PDE6D: variants seen among roughly 807,000 people sequenced by gnomAD.
PDE6D encodes the protein phosphodiesterase 6D.
In PDE6D, 10 loss-of-function variants were observed where a neutral mutation model predicts 21.9. The observed-to-expected ratio is 0.46, with a 90% CI of 0.28 to 0.78. The LOEUF (loss-of-function observed/expected upper bound fraction) is 0.78. Ranked by LOEUF, PDE6D falls within the 30% of genes least tolerant of loss-of-function variation. The pLI is 0.12. For synonymous variants in PDE6D, 59 were observed against 63.5 expected (o/e 0.93, Z 0.34); for missense variants, 139 against 184.8 (o/e 0.75, Z 1.44).
At chr2:231,734,676 C>T (rs2106258330) in intron 4 of PDE6D, among the ~76,000 whole-genome samples, 1 of 143,292 alleles carries the variant, frequency 7.0e-6, no homozygotes, top group Non-Finnish European at 1.5e-5. Context: ...CCCGTCTGTA[C>T]TAAAAATATA....
At chr2:231,772,935 C>T (rs1487876688) in intron 1 of PDE6D, among the ~76,000 whole-genome samples, 1 of 152,108 alleles carries the variant, frequency 6.6e-6, no homozygotes, top group Non-Finnish European at 1.5e-5. Context: ...GCAGGAATGC[C>T]TGTTTAAGAA....
At chr2:231,765,179 A>G (rs113105409) in intron 1 of PDE6D, among the ~76,000 whole-genome samples, 39,078 of 152,006 alleles carry the variant, frequency 0.26, 5,236 homozygotes, top group Non-Finnish European at 0.31. Flanking sequence ...AAGCTGAGGC[A>G]GGAGGACTGC....
chr2:231,754,449 C>T (rs2048867490), intron 1 of PDE6D, among the ~76,000 whole-genome samples: 1 of 151,480 alleles, frequency 6.6e-6, no homozygotes, highest in South Asian at 2.1e-4. Context: ...CTCCACCTCC[C>T]AAGTTCAAGT....
At chr2:231,736,221 A>C (rs947777939) in intron 4 of PDE6D, among the ~76,000 whole-genome samples, 2 of 152,140 alleles carry the variant, frequency 1.3e-5, no homozygotes, top group Admixed American at 1.3e-4. Flanking sequence ...AAAAACCTTA[A>C]AGTCAATAAC....
chr2:231,781,001 A>C, intron 1 of PDE6D, 64 bp downstream of exon 1: 4 of 1,388,564 alleles, frequency 2.9e-6, no homozygotes, highest in Non-Finnish European at 4.1e-6. Flanking sequence ...GCCCCCGGCC[A>C]GTCTCCTCAG....
At chr2:231,756,211 C>A (rs1379975635) in intron 1 of PDE6D, among the ~76,000 whole-genome samples, 1 of 152,110 alleles carries the variant, frequency 6.6e-6, no homozygotes, top group Non-Finnish European at 1.5e-5. Flanking sequence ...CAGACCATTT[C>A]TTTTGTTGAA....
At position 231,781,049 on chromosome 2, in the gene PDE6D, G is replaced by C. The variant is rs993589615; in HGVS notation, c.50+16C>G. 1.2e-6 allele frequency: 2 copies of C among 1,609,584 alleles called. No individual in the cohort carries two copies. The highest frequency in any genetic ancestry group is 1.7e-6 in the Non-Finnish European group (2 of 1,176,896). On this transcript the variant is annotated intron_variant, in intron 1 of 4. Coordinates refer to ENST00000287600, the MANE Select transcript of PDE6D (RefSeq NM_002601.4). The stretch of plus-strand genomic sequence containing the variant: ...TCCCAAGTCCTCCCGGCCCCGCCCC[G>C]CTCCCGGACGGATACAGTTTGAAGC...
intron 1 of PDE6D, among the ~76,000 whole-genome samples, chr2:231,773,279 T>G (rs1389317489): frequency 6.6e-6 from 1 of 152,182 alleles, no homozygotes; most frequent in Non-Finnish European, 1.5e-5. Flanking sequence ...TATATTCATT[T>G]AATCCATTCA....
In PDE6D at chr2:231,736,782, T is replaced by C. The variant is rs539803132; in HGVS notation, c.371+405A>G. 6.6e-5 allele frequency among the ~76,000 whole-genome samples: 10 copies of C among 152,326 alleles called. No individual in the cohort carries two copies. The East Asian group carries it at 1.7e-3, about 26-fold the overall frequency. On this transcript the variant is annotated intron_variant, in intron 4 of 4. Coordinates refer to ENST00000287600, the MANE Select transcript of PDE6D (RefSeq NM_002601.4). ...GGAGCAAATTAACATAGATTCGGTATATATATTAAATGCCAGTCTCCTTCC... is the reference window on the plus strand; with the variant it reads ...GGAGCAAATTAACATAGATTCGGTACATATATTAAATGCCAGTCTCCTTCC...
At chr2:231,749,459 G>C (rs1277812406) in intron 1 of PDE6D, among the ~76,000 whole-genome samples, 2 of 151,668 alleles carry the variant, frequency 1.3e-5, no homozygotes, top group African/African-American at 4.8e-5. Flanking sequence ...CAGGCTCATA[G>C]GCGGATGGGA....
At chr2:231,757,397 A>G (rs2106276008) in intron 1 of PDE6D, among the ~76,000 whole-genome samples, 1 of 152,296 alleles carries the variant, frequency 6.6e-6, no homozygotes, top group South Asian at 2.1e-4. Context: ...TCCCAGGTTC[A>G]AGCAATTCTC....
Position 231,780,941 on chromosome 2 carries a change from T to A in PDE6D, c.50+124A>T, listed in dbSNP as rs1045107568. 3.5e-6 allele frequency: 3 copies of A among 866,214 alleles called. No individual in the cohort carries two copies. In the African/African-American group the frequency reaches 5.2e-5, roughly 15 times the overall value. 53.7% of individuals were successfully genotyped at this position (866,214 alleles called of 1,614,324 possible). A position where few individuals can be genotyped will look rare whatever the true frequency, so the allele number is the denominator to read the frequency against. On this transcript the variant is annotated intron_variant, in intron 1 of 4. Coordinates refer to ENST00000287600, the MANE Select transcript of PDE6D (RefSeq NM_002601.4). ...GGTGCTCGGCACGCTGTTCCTTTCCTCTCCCCTCCCGCGGCCCTTCTTCTG... is the reference window on the plus strand; with the variant it reads ...GGTGCTCGGCACGCTGTTCCTTTCCACTCCCCTCCCGCGGCCCTTCTTCTG...
chr2:231,775,485 G>GTT (rs145491718), intron 1 of PDE6D, among the ~76,000 whole-genome samples: 2,206 of 140,964 alleles, frequency 0.016, 74 homozygotes, highest in South Asian at 0.044. Context: ...ATTTTTGTGT[G>GTT]TGTTTTTTTT....
intron 1 of PDE6D, among the ~76,000 whole-genome samples, chr2:231,760,531 T>C (rs1288673850): frequency 1.3e-5 from 2 of 152,190 alleles, no homozygotes; most frequent in African/African-American, 2.4e-5. Context: ...AAGTTGGTTT[T>C]TGACTGCCTG....
rs545829886 is a variant in PDE6D at position 231,772,439 on chromosome 2, T to C, written c.50+8626A>G. Among the ~76,000 whole-genome samples, 3 of 152,338 alleles carry C rather than the reference T, an allele frequency of 2.0e-5. No individual in the cohort carries two copies. In the East Asian group the frequency reaches 5.8e-4, roughly 29 times the overall value. On this transcript the variant is annotated intron_variant, in intron 1 of 4. Coordinates refer to ENST00000287600, the MANE Select transcript of PDE6D (RefSeq NM_002601.4). Reference sequence around the variant, plus strand: ...TTGCTTTTCTTCCCAGCTCCAAAATTATAAGCAGGTCAAAAGCAAAAAAGA... The same window carrying C: ...TTGCTTTTCTTCCCAGCTCCAAAATCATAAGCAGGTCAAAAGCAAAAAAGA...
At chr2:231,773,785 G>A (rs909206258) in intron 1 of PDE6D, among the ~76,000 whole-genome samples, 6 of 151,874 alleles carry the variant, frequency 4.0e-5, no homozygotes, top group Non-Finnish European at 7.4e-5. Context: ...ATAAACATGA[G>A]GTATATATCA....
At chr2:231,748,449 C>G (rs1374118561) in intron 1 of PDE6D, among the ~76,000 whole-genome samples, 1 of 152,152 alleles carries the variant, frequency 6.6e-6, no homozygotes, top group Admixed American at 6.5e-5. Context: ...TAAGAGATAA[C>G]TTGGGTGCTG....
At chr2:231,761,042 T>C (rs1485321670) in intron 1 of PDE6D, among the ~76,000 whole-genome samples, 1 of 152,252 alleles carries the variant, frequency 6.6e-6, no homozygotes, top group Non-Finnish European at 1.5e-5. Flanking sequence ...ATGAATACAT[T>C]AGAATGGAGA....
intron 4 of PDE6D, among the ~76,000 whole-genome samples, chr2:231,734,861 A>AC (rs2048685189): frequency 6.8e-6 from 1 of 147,474 alleles, no homozygotes; most frequent in African/African-American, 2.6e-5. Flanking sequence ...AAAAAAACAA[A>AC]AAAAAAAACC....
Sources: gnomAD v4.1 joint callset for allele counts (sites outside exome capture counted in the v4.1 genomes callset) on GRCh38, gnomAD v4.1.1 for gene constraint, MANE v1.5 for transcripts, NCBI Gene and HGNC (gene_info 2026-07-23, HGNC 2026-07-21) for gene names.